Variants in MBTPS1 observed in about 807,000 individuals in gnomAD.
MBTPS1 encodes membrane-bound transcription factor site-1 protease.
Under a neutral mutation model 127.8 loss-of-function variants are expected in MBTPS1, and 94 were observed. The observed-to-expected ratio is 0.74, with a 90% CI of 0.62 to 0.87. The LOEUF (loss-of-function observed/expected upper bound fraction) is 0.87. Ranked by LOEUF, MBTPS1 falls within the 40% of genes least tolerant of loss-of-function variation. MBTPS1 has a pLI of 0.00. For missense variants in MBTPS1, 1,636 were observed against 1,353.2 expected, an observed-to-expected ratio of 1.21 and a Z score of -3.28; for synonymous variants, 632 against 509.4, an observed-to-expected ratio of 1.24 and a Z score of -3.24.
chr16:84,097,996 G>T (rs575344533), intron 3 of MBTPS1, among the ~76,000 whole-genome samples: 1 of 151,752 alleles, frequency 6.6e-6, no homozygotes, highest in East Asian at 1.9e-4. Context: ...AATAATAACA[G>T]AACTAGAAAT....
intron 3 of MBTPS1, among the ~76,000 whole-genome samples, chr16:84,096,417 GATGGT>G (rs1180451524): frequency 1.3e-5 from 2 of 152,216 alleles, no homozygotes; most frequent in African/African-American, 4.8e-5. Flanking sequence ...GTGGATATTT[GATGGT>G]ATACTTTTGC....
chr16:84,087,353 C>T lies in MBTPS1; in HGVS notation c.1134+5G>A, dbSNP rs201607116. On this transcript the variant is annotated splice_donor_5th_base_variant and intron_variant, in intron 9 of 22. Coordinates refer to ENST00000343411, the MANE Select transcript of MBTPS1 (RefSeq NM_003791.4). ...AATACAATTATTTAGCAAAGAAGAG[C>T]GTACCCAGGTAGTCATTCCCCTTGA... The T allele has an allele frequency of 1.8e-5, 29 of 1,604,758 alleles. No homozygotes were observed. In the Middle Eastern group the frequency reaches 6.6e-4, roughly 37 times the overall value.
chr16:84,065,858 A>G (rs2085675549), intron 17 of MBTPS1, 91 bp from the exon 18 acceptor site: 1 of 685,146 alleles, frequency 1.5e-6, no homozygotes, highest in Non-Finnish European at 2.4e-6. Flanking sequence ...TACATTCTTC[A>G]GATGCTATGT....
chr16:84,100,324 C>T (rs2086236220), intron 2 of MBTPS1, among the ~76,000 whole-genome samples: 1 of 152,120 alleles, frequency 6.6e-6, no homozygotes, highest in African/African-American at 2.4e-5. Context: ...GCAGGAGGAT[C>T]ACCTGAGGTC....
At chr16:84,109,994 G>T (rs183172236) in intron 1 of MBTPS1, among the ~76,000 whole-genome samples, 1 of 152,094 alleles carries the variant, frequency 6.6e-6, no homozygotes, top group Non-Finnish European at 1.5e-5. Flanking sequence ...CATACTGTTC[G>T]TGCAACCTTC....
chr16:84,113,528 G>C (rs2086427596), intron 1 of MBTPS1, among the ~76,000 whole-genome samples: 1 of 152,232 alleles, frequency 6.6e-6, no homozygotes, highest in African/African-American at 2.4e-5. Context: ...TGTATTACTT[G>C]CGCAAGCAAC....
Position 84,068,073 on chromosome 16 carries a change from C to G in MBTPS1, c.2072-250G>C, listed in dbSNP as rs2085714132. Among the ~76,000 whole-genome samples, 3 of 152,218 alleles carry G rather than the reference C, an allele frequency of 2.0e-5. No homozygotes were observed. In the South Asian group the frequency reaches 6.2e-4, roughly 32 times the overall value. The stretch of plus-strand genomic sequence containing the variant: ...AGATTTTCATTCACTTGAGAAGGAG[C>G]AAAATATATAGCAGAGCTGCTTTTA... On this transcript the variant is annotated intron_variant, in intron 15 of 22. Coordinates refer to ENST00000343411, the MANE Select transcript of MBTPS1 (RefSeq NM_003791.4).
At chr16:84,087,550 T>C in intron 8 of MBTPS1, 90 bp from the exon 9 acceptor site, 1 of 817,064 alleles carries the variant, frequency 1.2e-6, no homozygotes, top group Non-Finnish European at 2.0e-6. Flanking sequence ...CCAGGGCGAA[T>C]ACTCCCAGAA....
At position 84,075,635 on chromosome 16, in the gene MBTPS1, G is replaced by C. The variant is rs568836370; in HGVS notation, c.1449-894C>G. 4.6e-5 allele frequency: 7 copies of C among 152,376 alleles called. No homozygotes were observed. The South Asian group carries it at 1.4e-3, about 32-fold the overall frequency. 9.4% of individuals were successfully genotyped at this position (152,376 alleles called of 1,614,324 possible). On this transcript the variant is annotated intron_variant, in intron 11 of 22. Coordinates refer to ENST00000343411, the MANE Select transcript of MBTPS1 (RefSeq NM_003791.4). ...ACTGCTTCACCTCATTACAGGAGAT[G>C]CCAGCCTTTCTCAAACAGCAACTAC... is the stretch of plus-strand genomic sequence containing the variant.
rs143888040 is a variant in MBTPS1 at position 84,087,362 on chromosome 16, G to C, written c.1130C>G (p.Thr377Ser). 159 of 1,609,778 alleles carry C rather than the reference G, an allele frequency of 9.9e-5. No individual in the cohort carries two copies. Among genetic ancestry groups the C allele is most frequent in the Non-Finnish European group, 1.2e-4 (143 of 1,176,770 alleles). The change falls in exon 9 of 23, where the codon ACC (threonine) becomes AGC (serine). Residue 377 changes from threonine to serine, a missense_variant. By Grantham distance (58) the Thr-to-Ser change is moderately conservative (BLOSUM62 1). Coordinates refer to ENST00000343411, the MANE Select transcript of MBTPS1 (RefSeq NM_003791.4). ...IARFSSRGMT[T>S]WELPGGYGRM... is the part of the protein sequence containing the mutation. Reference sequence around the variant, plus strand: ...ATTTAGCAAAGAAGAGCGTACCCAGGTAGTCATTCCCCTTGAAGAAAAGCG... The same window carrying C: ...ATTTAGCAAAGAAGAGCGTACCCAGCTAGTCATTCCCCTTGAAGAAAAGCG...
At chr16:84,082,158 G>C (rs926417785) in intron 10 of MBTPS1, 1 of 298,088 alleles carries the variant, frequency 3.4e-6, no homozygotes, top group Non-Finnish European at 6.1e-6. Flanking sequence ...ACATATTTTT[G>C]TGATAATTCA....
At position 84,059,379 on chromosome 16, in the gene MBTPS1, G is replaced by A. The variant is rs1208120454; in HGVS notation, c.2754C>T (p.Asp918=). ...AGGCTGGTAGAGGCCGAGGTTTTGG[G>A]TCTCCCAAATGGGCCTCCAGAACCT... ...YSKVLEAHLG[D]PKPRPLPACP... The change falls in exon 21 of 23, where the codon GAC becomes GAT. Residue 918 remains aspartate (D), a synonymous_variant. Transcript: ENST00000343411. The A allele has an allele frequency of 3.1e-6, 5 of 1,614,146 alleles. No homozygotes were observed. Among genetic ancestry groups the A allele is most frequent in the Admixed American group, 1.7e-5 (1 of 60,020 alleles).
intron 17 of MBTPS1, 127 bp downstream of exon 17, chr16:84,066,362 G>A: frequency 2.1e-6 from 2 of 952,858 alleles, no homozygotes; most frequent in Non-Finnish European, 3.0e-6. Context: ...AAATACTGGT[G>A]AGTTCTTTCC....
rs1365887205 is a variant in MBTPS1, at chr16:84,101,787, C to G, written c.-4G>C. 2 of 1,607,868 alleles carry G rather than the reference C, an allele frequency of 1.2e-6. No individual in the cohort carries two copies. Among genetic ancestry groups the G allele is most frequent in the African/African-American group, 2.7e-5 (2 of 74,702 alleles). Reference sequence around the variant, plus strand: ...GCCAGATGTTGACAAGCTTCATGGTCACAAGCGAATATGATCATAAAATTG... The same window carrying G: ...GCCAGATGTTGACAAGCTTCATGGTGACAAGCGAATATGATCATAAAATTG... On this transcript the variant is annotated 5_prime_UTR_variant, in exon 2 of 23. An upstream open reading frame in the 5' UTR loses its in-frame stop. Transcript: ENST00000343411.
In MBTPS1 at chr16:84,066,611, T is replaced by C. The variant is rs957237904; in HGVS notation, c.2231A>G (p.Gln744Arg). The C allele has an allele frequency of 1.2e-6, 2 of 1,614,010 alleles. No individual in the cohort carries two copies. Among genetic ancestry groups the C allele is most frequent in the Non-Finnish European group, 1.7e-6 (2 of 1,179,950 alleles). The change falls in exon 17 of 23, where the codon CAG becomes CGG. Residue 744 changes from glutamine to arginine, a missense_variant and splice_region_variant. By Grantham distance (43) the Gln-to-Arg change is conservative (BLOSUM62 1). Coordinates refer to ENST00000343411, the MANE Select transcript of MBTPS1 (RefSeq NM_003791.4). The stretch of plus-strand genomic sequence containing the variant: ...TCCTCCGGTATCCGGCATCCACCAC[T>C]GCCTGGGAAAGTGGTAACAGACACA... ...KVKFYDENTRQWWMPDTGGAN... is the reference protein window; with the variant it reads ...KVKFYDENTRRWWMPDTGGAN...
chr16:84,058,704 G>C (rs2085558419), intron 21 of MBTPS1, among the ~76,000 whole-genome samples: 1 of 152,186 alleles, frequency 6.6e-6, no homozygotes, highest in Non-Finnish European at 1.5e-5. Context: ...TCAAACACTG[G>C]GTACGGAAAG....
intron 4 of MBTPS1, among the ~76,000 whole-genome samples, chr16:84,095,330 C>G (rs975062838): frequency 1.3e-5 from 2 of 152,188 alleles, no homozygotes; most frequent in African/African-American, 2.4e-5. Flanking sequence ...CTTCTAACCT[C>G]AGAAATGGTA....
At chr16:84,079,825 A>T (rs2085913509) in intron 11 of MBTPS1, among the ~76,000 whole-genome samples, 1 of 152,262 alleles carries the variant, frequency 6.6e-6, no homozygotes, top group African/African-American at 2.4e-5. Context: ...ATACACAGAT[A>T]GGCAGATACA....
intron 1 of MBTPS1, among the ~76,000 whole-genome samples, chr16:84,111,915 A>T (rs1410076881): frequency 6.7e-6 from 1 of 148,602 alleles, no homozygotes; most frequent in Non-Finnish European, 1.5e-5. Flanking sequence ...AAAAAAAAAA[A>T]TGCAGCTGGG....
Sources: allele counts gnomAD v4.1 joint callset (sites outside exome capture counted in the v4.1 genomes callset), GRCh38; gene constraint gnomAD v4.1.1; transcripts MANE v1.5; gene names NCBI Gene and HGNC (gene_info 2026-07-23, HGNC 2026-07-21).